Variants in SGPP2 observed in about 807,000 individuals in gnomAD.
The protein encoded by SGPP2 is sphingosine-1-phosphate phosphatase 2, also known as sphingosine 1-phosphate phosphohydrolase 2.
Under a neutral mutation model 33.9 loss-of-function variants are expected in SGPP2, and 30 were observed. The observed-to-expected ratio is 0.89, with a 90% confidence interval of 0.66 to 1.20. SGPP2 has a LOEUF of 1.20. Ranked by LOEUF, SGPP2 falls within the 50% of genes most tolerant of loss-of-function variation. The probability of loss-of-function intolerance (pLI) is 0.00; values close to 1 mark genes in which losing one functional copy is unlikely to be tolerated. For synonymous variants in SGPP2, 233 were observed against 225.0 expected (o/e 1.04, Z -0.32); for missense variants, 458 against 532.1 (o/e 0.86, Z 1.37).
At chr2:222,430,105 A>G (rs1408879833) in intron 1 of SGPP2, among the ~76,000 whole-genome samples, 1 of 146,498 alleles carries the variant, frequency 6.8e-6, no homozygotes, top group Non-Finnish European at 1.5e-5. Context: ...AAAATACTAG[A>G]ATAGAACGAT....
At chr2:222,436,305 G>C (rs1697239620) in intron 1 of SGPP2, among the ~76,000 whole-genome samples, 1 of 152,132 alleles carries the variant, frequency 6.6e-6, no homozygotes, top group African/African-American at 2.4e-5. Flanking sequence ...CAAAAATTTT[G>C]CTAGTGAATC....
At chr2:222,424,844 CG>C in intron 1 of SGPP2, 23 bp downstream of exon 1, 3 of 1,325,894 alleles carry the variant, frequency 2.3e-6, no homozygotes, top group South Asian at 2.0e-5. Context: ...AGGTGTTCGC[CG>C]GGTACGGGGA....
At chr2:222,510,405 C>T (rs1398081507) in intron 2 of SGPP2, among the ~76,000 whole-genome samples, 1 of 152,202 alleles carries the variant, frequency 6.6e-6, no homozygotes, top group Non-Finnish European at 1.5e-5. Context: ...GTTCTCTTGC[C>T]TCCAACAGTC....
At chr2:222,486,470 A>G (rs1698110307) in intron 2 of SGPP2, among the ~76,000 whole-genome samples, 1 of 152,206 alleles carries the variant, frequency 6.6e-6, no homozygotes, top group South Asian at 2.1e-4. Flanking sequence ...AAATAACGTT[A>G]TAGAATTTGT....
At chr2:222,484,726 C>T (rs950803145) in intron 2 of SGPP2, among the ~76,000 whole-genome samples, 3 of 152,154 alleles carry the variant, frequency 2.0e-5, no homozygotes, top group Non-Finnish European at 4.4e-5. Context: ...CTGATTCCTC[C>T]TCTACTGCCT....
intron 2 of SGPP2, among the ~76,000 whole-genome samples, chr2:222,493,152 G>A (rs1441203174): frequency 6.6e-6 from 1 of 152,088 alleles, no homozygotes; most frequent in Non-Finnish European, 1.5e-5. Context: ...CCAATTTACT[G>A]TATTAGTCGA....
intron 2 of SGPP2, among the ~76,000 whole-genome samples, chr2:222,501,980 C>T (rs537576508): frequency 2.4e-4 from 36 of 152,226 alleles, no homozygotes; most frequent in African/African-American, 8.7e-4. Context: ...CACAAGTTTA[C>T]CTGGGTACCA....
At chr2:222,459,783 C>A (rs1036646390) in intron 1 of SGPP2, among the ~76,000 whole-genome samples, 10 of 152,142 alleles carry the variant, frequency 6.6e-5, no homozygotes, top group African/African-American at 2.4e-4. Context: ...CAACTCCATG[C>A]TCTTCCTGAT....
At chr2:222,501,467 A>G (rs1034719383) in intron 2 of SGPP2, among the ~76,000 whole-genome samples, 1 of 152,168 alleles carries the variant, frequency 6.6e-6, no homozygotes, top group African/African-American at 2.4e-5. Context: ...CTGTCTTTTT[A>G]CAGGAGCTTA....
chr2:222,513,454 A>C (rs1432509845), intron 2 of SGPP2, among the ~76,000 whole-genome samples: 1 of 152,140 alleles, frequency 6.6e-6, no homozygotes, highest in Non-Finnish European at 1.5e-5. Flanking sequence ...CCAGCACAGT[A>C]CCTGGTCCAT....
intron 1 of SGPP2, among the ~76,000 whole-genome samples, chr2:222,449,424 A>G (rs1297534837): frequency 1.3e-5 from 2 of 152,208 alleles, no homozygotes; most frequent in East Asian, 3.9e-4. Context: ...GAACTTGGAG[A>G]ACACGTGCCC....
Position 222,455,217 on chromosome 2 carries a change from T to TAA in SGPP2, c.220-19339_220-19338dup, listed in dbSNP as rs5838951. ...AGACCCCCCACCACTCCAATCTCTTTAAAAAAAAAAAAAGTTTAAGAGAAT... is the reference window on the plus strand; with the variant it reads ...AGACCCCCCACCACTCCAATCTCTTTAAAAAAAAAAAAAAAGTTTAAGAGAAT... On this transcript the variant is annotated intron_variant, in intron 1 of 4. Transcript: ENST00000321276. 9.2e-4 allele frequency among the ~76,000 whole-genome samples: 135 copies of TAA among 146,868 alleles called. 1 individual carries two copies. The highest frequency in any genetic ancestry group is 7.0e-3 in the Middle Eastern group (2 of 286).
intron 4 of SGPP2, among the ~76,000 whole-genome samples, chr2:222,537,560 A>T (rs980820949): frequency 1.3e-5 from 2 of 152,234 alleles, no homozygotes; most frequent in Non-Finnish European, 2.9e-5. Context: ...ATTGGTTTTA[A>T]AAAAAGAATA....
intron 2 of SGPP2, among the ~76,000 whole-genome samples, chr2:222,507,121 A>T (rs1034131874): frequency 1.3e-5 from 2 of 152,176 alleles, no homozygotes; most frequent in Non-Finnish European, 2.9e-5. Context: ...AGTCATTAAT[A>T]AAGAGGAATG....
intron 4 of SGPP2, among the ~76,000 whole-genome samples, chr2:222,543,025 G>A (rs1699020859): frequency 6.6e-6 from 1 of 151,970 alleles, no homozygotes; most frequent in Non-Finnish European, 1.5e-5. Context: ...CTACTCTGTA[G>A]CTTGCTTTTT....
Position 222,515,609 on chromosome 2 carries a change from G to A in SGPP2, c.379-6158G>A, listed in dbSNP as rs1031319317. On this transcript the variant is annotated intron_variant, in intron 2 of 4. Transcript: ENST00000321276. ...CTCCCAAAGTGCTGGGATTACAGGC[G>A]TGAGCCACCGTGCCCAGCCTGAACA... 5.3e-5 allele frequency among the ~76,000 whole-genome samples: 8 copies of A among 152,052 alleles called. No homozygotes were observed. In the Middle Eastern group the frequency reaches 0.01, roughly 194 times the overall value.
intron 1 of SGPP2, among the ~76,000 whole-genome samples, chr2:222,455,679 A>G (rs1697562541): frequency 6.6e-6 from 1 of 152,352 alleles, no homozygotes; most frequent in Admixed American, 6.5e-5. Context: ...CAAGGTGGTT[A>G]TAAAATTATT....
chr2:222,428,997 G>T (rs929326496), intron 1 of SGPP2, among the ~76,000 whole-genome samples: 1 of 151,848 alleles, frequency 6.6e-6, no homozygotes, highest in Non-Finnish European at 1.5e-5. Flanking sequence ...TTGCCATGTT[G>T]GCCAGGCTGG....
intron 4 of SGPP2, among the ~76,000 whole-genome samples, chr2:222,527,695 T>G (rs1698779456): frequency 6.6e-6 from 1 of 152,194 alleles, no homozygotes; most frequent in Admixed American, 6.5e-5. Flanking sequence ...TCTTTCATGC[T>G]CATAATTTTA....
Sources: gnomAD v4.1 joint callset for allele counts (sites outside exome capture counted in the v4.1 genomes callset) on GRCh38, gnomAD v4.1.1 for gene constraint, MANE v1.5 for transcripts, NCBI Gene and HGNC (gene_info 2026-07-23, HGNC 2026-07-21) for gene names.